The following PCYT1B variants were observed in gnomAD, a reference collection of about 807,000 sequenced individuals.
PCYT1B encodes the protein phosphate cytidylyltransferase 1B, choline, also known as choline-phosphate cytidylyltransferase B.
A neutral mutation model predicts 26.4 loss-of-function variants in PCYT1B; 10 were observed. The ratio of observed to expected loss-of-function variants is 0.38; its 90% CI spans 0.23 to 0.64. The LOEUF (loss-of-function observed/expected upper bound fraction) is 0.64. PCYT1B is among the 30% of genes least tolerant of loss of function. The pLI, the probability that PCYT1B is intolerant of heterozygous loss-of-function variation, is 0.56. For synonymous variants in PCYT1B, 131 were observed against 108.4 expected (o/e 1.21, Z -1.29); for missense variants, 161 against 292.7 (o/e 0.55, Z 3.28).
At chrX:24,571,403 T>C (rs1161896008) in intron 7 of PCYT1B, among the ~76,000 whole-genome samples, 1 of 110,112 alleles carries the variant, frequency 9.1e-6, no homozygotes, top group Non-Finnish European at 1.9e-5. Flanking sequence ...AATAAGTAAA[T>C]AAAATGGGTA....
intron 1 of PCYT1B, among the ~76,000 whole-genome samples, chrX:24,668,863 T>TAAAAA (rs1927179623): frequency 9.0e-6 from 1 of 111,338 alleles, no homozygotes; most frequent in Admixed American, 9.5e-5. Context: ...AAATGATGTG[T>TAAAAA]AATTATCATA....
At position 24,573,546 on chromosome X, in the gene PCYT1B, G is replaced by A. The variant is rs747357080; in HGVS notation, c.897+1584C>T. On this transcript the variant is annotated intron_variant, in intron 7 of 7. Transcript: ENST00000379144. ...GACAGGTTTCTGAATCCCTGTAAAC[G>A]AATGAACACCTACATGGTTTCATTA... is the stretch of plus-strand genomic sequence containing the variant. Among the ~76,000 whole-genome samples the A allele has an allele frequency of 1.2e-3, 131 of 111,018 alleles. 1 individual carries two copies. Among genetic ancestry groups the A allele is most frequent in the African/African-American group, 4.0e-3 (123 of 30,541 alleles).
intron 5 of PCYT1B, among the ~76,000 whole-genome samples, chrX:24,582,097 AG>A (rs940979387): frequency 2.7e-5 from 3 of 112,528 alleles, no homozygotes; most frequent in Non-Finnish European, 3.8e-5. Flanking sequence ...CCAGCTGTGC[AG>A]GAGGCTCTGG....
chrX:24,615,602 C>T (rs1925463404), intron 2 of PCYT1B, among the ~76,000 whole-genome samples: 1 of 110,227 alleles, frequency 9.1e-6, no homozygotes, highest in African/African-American at 3.3e-5. Context: ...GTAGCTGGGA[C>T]TACAGACATG....
rs193078486 is a variant in PCYT1B, at chrX:24,567,405, A to G, written c.898-4900T>C. On this transcript the variant is annotated intron_variant, in intron 7 of 7. Coordinates refer to ENST00000379144, the MANE Select transcript of PCYT1B (RefSeq NM_004845.5). ...TTGAAGGGTGGTTCCCTTGCAAAGGAGCGGAATTCAATACAGTCAGGAGAC... is the reference window on the plus strand; with the variant it reads ...TTGAAGGGTGGTTCCCTTGCAAAGGGGCGGAATTCAATACAGTCAGGAGAC... 5.1e-3 allele frequency among the ~76,000 whole-genome samples: 577 copies of G among 112,379 alleles called. 5 individuals are homozygous for G. The highest frequency in any genetic ancestry group is 0.017 in the African/African-American group (542 of 31,001).
chrX:24,656,457 A>G (rs1926916709), intron 1 of PCYT1B, among the ~76,000 whole-genome samples: 1 of 107,875 alleles, frequency 9.3e-6, no homozygotes, highest in Admixed American at 1.0e-4. Flanking sequence ...ACAAAATGCC[A>G]TTTTACATCT....
chrX:24,585,318 G>A (rs1049626342), intron 5 of PCYT1B, among the ~76,000 whole-genome samples: 3 of 111,910 alleles, frequency 2.7e-5, no homozygotes, highest in African/African-American at 9.7e-5. Context: ...CCAACATGGC[G>A]GGCAGGTCAG....
At chrX:24,573,127 C>CGT (rs1923898350) in intron 7 of PCYT1B, among the ~76,000 whole-genome samples, 2 of 24,498 alleles carry the variant, frequency 8.2e-5, no homozygotes, top group South Asian at 0.011. Context: ...CACATATACA[C>CGT]ACACATACAC....
chrX:24,596,699 T>C (rs1924793219), intron 3 of PCYT1B, among the ~76,000 whole-genome samples: 1 of 110,971 alleles, frequency 9.0e-6, no homozygotes, highest in Non-Finnish European at 1.9e-5. Flanking sequence ...TACCTCCAGT[T>C]ATCACAGTTT....
chrX:24,637,487 A>AT (rs1218518627), intron 1 of PCYT1B, among the ~76,000 whole-genome samples: 13 of 56,103 alleles, frequency 2.3e-4, no homozygotes, highest in Non-Finnish European at 3.0e-4. Context: ...ACTAAAAAAA[A>AT]AAAAATATAT....
At chrX:24,596,900 A>G (rs1441650997) in intron 3 of PCYT1B, among the ~76,000 whole-genome samples, 1 of 110,976 alleles carries the variant, frequency 9.0e-6, no homozygotes. Flanking sequence ...AACTCACTGT[A>G]AGCATTTTAC....
chrX:24,575,458 C>A, intron 6 of PCYT1B, 140 bp from the exon 7 acceptor site: 1 of 468,777 alleles, frequency 2.1e-6, no homozygotes. Context: ...TGCCATTTCC[C>A]AAGGGCTAGG....
chrX:24,606,709 CA>C (rs200898227), intron 3 of PCYT1B, among the ~76,000 whole-genome samples: 12,242 of 110,076 alleles, frequency 0.11, 1,703 homozygotes, highest in African/African-American at 0.38. Context: ...ACTAAAAATA[CA>C]AAAAAAATTA....
At position 24,561,834 on chromosome X, in the gene PCYT1B, G is replaced by A; in HGVS notation, c.*459C>T. ...TTCTCGACTATTTCAGAAGCACTTT[G>A]CCACCTCTATTGGAAACAATTTTAT... is the stretch of plus-strand genomic sequence containing the variant. On this transcript the variant is annotated 3_prime_UTR_variant, in exon 8 of 8. Coordinates refer to ENST00000379144, the MANE Select transcript of PCYT1B (RefSeq NM_004845.5). 2.6e-6 allele frequency: 1 copy of A among 385,123 alleles called. No homozygotes were observed. The highest frequency in any genetic ancestry group is 4.5e-6 in the Non-Finnish European group (1 of 220,530). 31.7% of individuals were successfully genotyped at this position (385,123 alleles called of 1,213,427 possible).
At chrX:24,637,015 T>A (rs770171165) in intron 1 of PCYT1B, among the ~76,000 whole-genome samples, 6 of 111,551 alleles carry the variant, frequency 5.4e-5, no homozygotes, top group South Asian at 3.8e-4. Flanking sequence ...GCTAAGAACA[T>A]CCTAATACTA....
intron 2 of PCYT1B, among the ~76,000 whole-genome samples, chrX:24,614,680 T>G (rs1412978905): frequency 8.9e-6 from 1 of 112,400 alleles, no homozygotes; most frequent in Admixed American, 9.5e-5. Flanking sequence ...AACCAAACCC[T>G]TCTTGAAACT....
At chrX:24,640,810 A>T (rs1212974085) in intron 1 of PCYT1B, among the ~76,000 whole-genome samples, 1 of 111,377 alleles carries the variant, frequency 9.0e-6, no homozygotes, top group Non-Finnish European at 1.9e-5. Flanking sequence ...CATGAACTAG[A>T]CACCTCCAAG....
At chrX:24,619,500 C>T (rs1447242727) in intron 1 of PCYT1B, among the ~76,000 whole-genome samples, 3 of 111,979 alleles carry the variant, frequency 2.7e-5, no homozygotes, top group African/African-American at 9.7e-5. Flanking sequence ...TGGAAAGTCA[C>T]AATGCCCAGC....
At chrX:24,591,237 C>A (rs969719138) in intron 3 of PCYT1B, among the ~76,000 whole-genome samples, 9 of 111,364 alleles carry the variant, frequency 8.1e-5, no homozygotes, top group Non-Finnish European at 1.7e-4. Flanking sequence ...TATTCACTAT[C>A]CTATCTTTTG....
Sources: allele counts gnomAD v4.1 joint callset (sites outside exome capture counted in the v4.1 genomes callset), GRCh38; gene constraint gnomAD v4.1.1; transcripts MANE v1.5; gene names NCBI Gene and HGNC (gene_info 2026-07-23, HGNC 2026-07-21).